GUSB: variants seen among roughly 807,000 people sequenced by gnomAD.
GUSB encodes beta-glucuronidase.
In GUSB, 51 loss-of-function variants were observed where a neutral mutation model predicts 74.6. That is an observed-to-expected ratio of 0.68 (90% CI 0.55 to 0.86). The LOEUF (loss-of-function observed/expected upper bound fraction) is 0.86. GUSB is among the 40% of genes least tolerant of loss of function. The probability of loss-of-function intolerance (pLI) is 0.00; values close to 1 mark genes in which losing one functional copy is unlikely to be tolerated. For missense variants in GUSB, 736 were observed against 853.7 expected (o/e 0.86, Z 1.72); for synonymous variants, 360 against 348.3 (o/e 1.03, Z -0.37).
chr7:65,971,040 A>T (rs944924520), intron 8 of GUSB, among the ~76,000 whole-genome samples: 1 of 152,118 alleles, frequency 6.6e-6, no homozygotes, highest in African/African-American at 2.4e-5. Flanking sequence ...CCATCTCCGA[A>T]TCCTATACCC....
intron 8 of GUSB, among the ~76,000 whole-genome samples, 194 bp from the exon 9 acceptor site, chr7:65,970,560 T>C (rs1791131130): frequency 6.6e-6 from 1 of 151,650 alleles, no homozygotes; most frequent in African/African-American, 2.4e-5. Flanking sequence ...AAGATCAGCC[T>C]GGCCAACATG....
chr7:65,974,492 G>C (rs1220104837), intron 7 of GUSB, 34 bp downstream of exon 7: 3 of 1,614,070 alleles, frequency 1.9e-6, no homozygotes, highest in South Asian at 2.2e-5. Flanking sequence ...CCCCCGGGCT[G>C]GGCAGGCGGA....
chr7:65,975,939 T>C, intron 5 of GUSB, 76 bp downstream of exon 5: 1 of 1,242,008 alleles, frequency 8.1e-7, no homozygotes, highest in South Asian at 1.3e-5. Flanking sequence ...TCCACCTGTC[T>C]TGGGCTCCTG....
rs776740315 is a variant in GUSB at position 65,970,383 on chromosome 7, G to A, written c.1392-17C>T. The A allele has an allele frequency of 1.9e-6, 3 of 1,571,454 alleles. No homozygotes were observed. Among genetic ancestry groups the A allele is most frequent in the Non-Finnish European group, 2.6e-6 (3 of 1,141,746 alleles). On this transcript the variant is annotated splice_polypyrimidine_tract_variant and intron_variant, in intron 8 of 11. Coordinates refer to ENST00000304895, the MANE Select transcript of GUSB (RefSeq NM_000181.4). ...ATCACCATCCTGTCCACAAAAGGCA[G>A]AAGAAACAGGTTCCATCAGTCCAGG...
intron 8 of GUSB, among the ~76,000 whole-genome samples, chr7:65,974,040 T>C (rs760408791): frequency 6.6e-6 from 1 of 151,684 alleles, no homozygotes; most frequent in Admixed American, 6.6e-5. Context: ...GAGGTTGTAA[T>C]GAGCGGAGAT....
chr7:65,975,408 A>T, intron 5 of GUSB: 1 of 365,650 alleles, frequency 2.7e-6, no homozygotes, highest in South Asian at 2.1e-5. Flanking sequence ...TTCTTCTGAG[A>T]CAGTCTCAGT....
rs1394964248 is a variant in GUSB, at chr7:65,974,342, C to T, written c.1344G>A (p.Val448=). The change falls in exon 8 of 12, where the codon GTG becomes GTA. Residue 448 remains valine (V), a synonymous_variant. Coordinates refer to ENST00000304895, the MANE Select transcript of GUSB (RefSeq NM_000181.4). ...CTAGGTGGGACGCAGGCTCGTTGGC[C>T]ACAGACCACATCACGACCGCGGGGT... is the stretch of plus-strand genomic sequence containing the variant. The part of the protein sequence containing the change: ...KNHPAVVMWS[V]ANEPASHLES... 6 of 1,614,044 alleles carry T rather than the reference C, an allele frequency of 3.7e-6. No homozygotes were observed. The highest frequency in any genetic ancestry group is 1.1e-5 in the South Asian group (1 of 91,090).
In GUSB at chr7:65,961,707, A is replaced by G. The variant is rs1296383299; in HGVS notation, c.1790-644T>C. Among the ~76,000 whole-genome samples the G allele has an allele frequency of 2.0e-5, 3 of 152,250 alleles. No homozygotes were observed. The East Asian group carries it at 5.8e-4, about 29-fold the overall frequency. On this transcript the variant is annotated intron_variant, in intron 11 of 11. Coordinates refer to ENST00000304895, the MANE Select transcript of GUSB (RefSeq NM_000181.4). ...CAACATGAGGAAACCCGCCTCTATT[A>G]AAAATACAAAAACTGGCTGGGCACA...
At chr7:65,975,145 G>C in intron 5 of GUSB, 74 bp from the exon 6 acceptor site, 1 of 1,358,664 alleles carries the variant, frequency 7.4e-7, no homozygotes. Flanking sequence ...CCAGCAGGAA[G>C]GCCCCTCGTG....
chr7:65,980,724 G>T, intron 1 of GUSB: 2 of 426,200 alleles, frequency 4.7e-6, no homozygotes, highest in Non-Finnish European at 8.8e-6. Context: ...GCCACTGCCT[G>T]TCACAGGGAG....
Position 65,981,199 on chromosome 7 carries a change from C to T in GUSB, c.210+775G>A, listed in dbSNP as rs1791990080. On this transcript the variant is annotated intron_variant, in intron 1 of 11. Transcript: ENST00000304895. ...ACCACCCTGGGTAAATAGTGACACCCTGTATCTTTTTTTTTTTTTTAAGTT... is the reference window on the plus strand; with the variant it reads ...ACCACCCTGGGTAAATAGTGACACCTTGTATCTTTTTTTTTTTTTTAAGTT... 2.7e-5 allele frequency among the ~76,000 whole-genome samples: 4 copies of T among 149,692 alleles called. No homozygotes were observed. In the South Asian group the frequency reaches 8.5e-4, roughly 32 times the overall value.
Position 65,976,159 on chromosome 7 carries a change from G to A in GUSB, c.768C>T (p.Phe256=), listed in dbSNP as rs774882132. 4 of 1,613,528 alleles carry A rather than the reference G, an allele frequency of 2.5e-6. No individual in the cohort carries two copies. Among genetic ancestry groups the A allele is most frequent in the Non-Finnish European group, 3.4e-6 (4 of 1,179,790 alleles). Residue 256 remains phenylalanine, a synonymous_variant, in exon 5 of 12, where the codon TTC becomes TTT. Coordinates refer to ENST00000304895, the MANE Select transcript of GUSB (RefSeq NM_000181.4). ...CATCCAAAAGACGCACTTCCAACTT[G>A]AACAGGTTACTGCCCTTGACAGAGA... is the stretch of plus-strand genomic sequence containing the variant. ...YQISVKGSNL[F]KLEVRLLDAE... is the part of the protein sequence containing the mutation.
intron 4 of GUSB, among the ~76,000 whole-genome samples, chr7:65,978,752 C>A (rs1791770709): frequency 6.6e-6 from 1 of 151,116 alleles, no homozygotes; most frequent in East Asian, 1.9e-4. Flanking sequence ...AGCCTGGCGA[C>A]AGAGCGAGAC....
In GUSB at chr7:65,974,713, T is replaced by C. The variant is rs765500679; in HGVS notation, c.1066-9A>G. On this transcript the variant is annotated splice_polypyrimidine_tract_variant and intron_variant, in intron 6 of 11. Transcript: ENST00000304895. Reference sequence around the variant, plus strand: ...AAGCCCTTCCCTCGGATCTAGGAGATAGCAGAGCCAAGTGACCCCTGTCCC... The same window carrying C: ...AAGCCCTTCCCTCGGATCTAGGAGACAGCAGAGCCAAGTGACCCCTGTCCC... 7.4e-6 allele frequency: 12 copies of C among 1,612,260 alleles called. No individual in the cohort carries two copies. The highest frequency in any genetic ancestry group is 2.2e-5 in the East Asian group (1 of 44,884).
chr7:65,980,091 C>T, intron 2 of GUSB, 133 bp downstream of exon 2: 1 of 1,023,162 alleles, frequency 9.8e-7, no homozygotes. Flanking sequence ...AGGGCACAGC[C>T]CCCAGGGCAG....
intron 8 of GUSB, among the ~76,000 whole-genome samples, chr7:65,971,023 T>C (rs1791170321): frequency 6.6e-6 from 1 of 152,086 alleles, no homozygotes; most frequent in Admixed American, 6.6e-5. Flanking sequence ...CATCACTCCT[T>C]CTACCCCCAT....
chr7:65,963,413 T>G (rs1790629147), intron 11 of GUSB, among the ~76,000 whole-genome samples: 1 of 152,108 alleles, frequency 6.6e-6, no homozygotes, highest in African/African-American at 2.4e-5. Flanking sequence ...ACCACATGCT[T>G]CTCCAACCCA....
intron 2 of GUSB, 110 bp downstream of exon 2, chr7:65,980,113 AC>A: frequency 6.1e-6 from 7 of 1,146,926 alleles, no homozygotes; most frequent in Non-Finnish European, 6.4e-6. Flanking sequence ...GCAGGGCAGG[AC>A]CCCCCACCAT....
At chr7:65,979,247 C>T in intron 4 of GUSB, 152 bp downstream of exon 4, 1 of 862,844 alleles carries the variant, frequency 1.2e-6, no homozygotes. Flanking sequence ...CGTATCCGCT[C>T]ACACAGGCTG....
Sources: allele counts gnomAD v4.1 joint callset (sites outside exome capture counted in the v4.1 genomes callset), GRCh38; gene constraint gnomAD v4.1.1; transcripts MANE v1.5; gene names NCBI Gene and HGNC (gene_info 2026-07-23, HGNC 2026-07-21).